LRP1B: variants seen among roughly 807,000 people sequenced by gnomAD.
LRP1B encodes LDL receptor related protein 1B.
LRP1B carries 217 observed loss-of-function variants against 556.6 expected under a neutral mutation model. That is an observed-to-expected ratio of 0.39 (90% CI 0.35 to 0.44). The LOEUF (loss-of-function observed/expected upper bound fraction) is 0.44. Ranked by LOEUF, LRP1B falls within the 20% of genes least tolerant of loss-of-function variation. The probability of loss-of-function intolerance (pLI) is 1.00; values close to 1 mark genes in which losing one functional copy is unlikely to be tolerated. For missense variants in LRP1B, 5,053 were observed against 5,620.8 expected, an observed-to-expected ratio of 0.90 and a Z score of 3.23; for synonymous variants, 2,047 against 1,865.8, an observed-to-expected ratio of 1.10 and a Z score of -2.50.
chr2:141,464,584 GTA>G (rs1236041290), intron 3 of LRP1B, among the ~76,000 whole-genome samples: 6 of 88,406 alleles, frequency 6.8e-5, no homozygotes, highest in Middle Eastern at 5.7e-3. Context: ...GGCTAATTTT[GTA>G]TATATATATA....
chr2:140,677,876 CAA>C (rs56656451), intron 41 of LRP1B, among the ~76,000 whole-genome samples: 32 of 75,236 alleles, frequency 4.3e-4, no homozygotes, highest in African/African-American at 9.7e-4. Flanking sequence ...AACTATGTCT[CAA>C]AAAAAAAAAA....
chr2:140,467,985 G>C (rs1342843157), intron 60 of LRP1B, among the ~76,000 whole-genome samples: 1 of 152,162 alleles, frequency 6.6e-6, no homozygotes, highest in African/African-American at 2.4e-5. Context: ...CAAGGGTGTG[G>C]CCAAGGGATC....
chr2:141,964,211 C>T (rs1169085539), intron 1 of LRP1B, among the ~76,000 whole-genome samples: 1 of 150,476 alleles, frequency 6.6e-6, no homozygotes, highest in Non-Finnish European at 1.5e-5. Context: ...ATCAAGCTAC[C>T]AATGACTTTC....
chr2:141,682,400 C>G (rs1691137813), intron 2 of LRP1B, among the ~76,000 whole-genome samples: 1 of 151,174 alleles, frequency 6.6e-6, no homozygotes, highest in South Asian at 2.1e-4. Flanking sequence ...TATAATTACC[C>G]CATTAATATG....
intron 1 of LRP1B, among the ~76,000 whole-genome samples, chr2:142,059,422 T>C (rs1704812885): frequency 6.6e-6 from 1 of 152,122 alleles, no homozygotes; most frequent in Admixed American, 6.6e-5. Flanking sequence ...GAGTTTATGT[T>C]TAAGTGACCA....
chr2:140,655,091 TAAA>T (rs1317944835), intron 41 of LRP1B, among the ~76,000 whole-genome samples: 1 of 151,512 alleles, frequency 6.6e-6, no homozygotes, highest in East Asian at 1.9e-4. Context: ...CCTATCTCTC[TAAA>T]AGGATCTCCT....
At chr2:141,277,027 T>G (rs935401008) in intron 3 of LRP1B, among the ~76,000 whole-genome samples, 39 of 152,318 alleles carry the variant, frequency 2.6e-4, no homozygotes, top group East Asian at 5.8e-4. Context: ...ATTTTCTTTA[T>G]CTGGTCTACT....
At chr2:141,089,677 G>A (rs1412130051) in intron 7 of LRP1B, among the ~76,000 whole-genome samples, 1 of 152,106 alleles carries the variant, frequency 6.6e-6, no homozygotes, top group East Asian at 1.9e-4. Context: ...ACACACCTCA[G>A]AATTATCTCA....
In LRP1B at chr2:141,193,894, A is replaced by T. The variant is rs1179486374; in HGVS notation, c.851-5311T>A. Among the ~76,000 whole-genome samples, 3 of 151,944 alleles carry T rather than the reference A, an allele frequency of 2.0e-5. No individual in the cohort carries two copies. In the East Asian group the frequency reaches 5.8e-4, roughly 29 times the overall value. On this transcript the variant is annotated intron_variant, in intron 6 of 90. Transcript: ENST00000389484. Reference sequence around the variant, plus strand: ...CTCCTGGGGAATATACCTTTGTTTGACTTATAATTTCAAGCAAATATTGCT... The same window carrying T: ...CTCCTGGGGAATATACCTTTGTTTGTCTTATAATTTCAAGCAAATATTGCT...
chr2:140,580,625 G>T (rs925297538), intron 43 of LRP1B, among the ~76,000 whole-genome samples: 2 of 151,776 alleles, frequency 1.3e-5, no homozygotes, highest in Non-Finnish European at 2.9e-5. Context: ...TAATAGCTCA[G>T]AGAAAGAATG....
At chr2:141,457,873 CAG>C (rs903823491) in intron 3 of LRP1B, among the ~76,000 whole-genome samples, 2 of 151,996 alleles carry the variant, frequency 1.3e-5, no homozygotes, top group African/African-American at 4.8e-5. Flanking sequence ...GGTACAAAGA[CAG>C]AGAAAAGTTG....
chr2:141,222,718 G>A (rs1393788507), intron 6 of LRP1B, among the ~76,000 whole-genome samples: 1 of 152,118 alleles, frequency 6.6e-6, no homozygotes, highest in African/African-American at 2.4e-5. Flanking sequence ...AAGCCAACTT[G>A]CAAGGCTGGT....
chr2:141,304,477 T>C (rs1346830424), intron 3 of LRP1B, among the ~76,000 whole-genome samples: 7 of 2,588 alleles, frequency 2.7e-3, no homozygotes, highest in Middle Eastern at 0.5. Flanking sequence ...TTTCATTCAT[T>C]TTTTTTTTTT....
intron 7 of LRP1B, among the ~76,000 whole-genome samples, chr2:141,101,660 T>C (rs1050308242): frequency 6.6e-6 from 1 of 152,194 alleles, no homozygotes; most frequent in African/African-American, 2.4e-5. Flanking sequence ...GGTAAGTAAA[T>C]GGCAACATGA....
chr2:140,314,411 A>T (rs541297261), intron 83 of LRP1B, among the ~76,000 whole-genome samples: 1 of 152,182 alleles, frequency 6.6e-6, no homozygotes, highest in African/African-American at 2.4e-5. Context: ...ATAATCTCAA[A>T]TATATCCTAA....
Position 140,264,302 on chromosome 2 carries a change from C to T in LRP1B, c.13247+5940G>A, listed in dbSNP as rs1209656223. On this transcript the variant is annotated intron_variant, in intron 86 of 90. Transcript: ENST00000389484. ...GGAGTGCAATGGCGCAGTCTCAGCTCACTGCAACCTCTGCCTCCCGGGTTC... is the reference window on the plus strand; with the variant it reads ...GGAGTGCAATGGCGCAGTCTCAGCTTACTGCAACCTCTGCCTCCCGGGTTC... Among the ~76,000 whole-genome samples, 17 of 152,112 alleles carry T rather than the reference C, an allele frequency of 1.1e-4. 1 individual carries two copies.
chr2:142,046,226 A>C (rs983020622), intron 1 of LRP1B, among the ~76,000 whole-genome samples: 1 of 151,900 alleles, frequency 6.6e-6, no homozygotes, highest in African/African-American at 2.4e-5. Flanking sequence ...AGTTTCTATA[A>C]GACAGTCAAA....
At chr2:141,724,623 G>A (rs1173315560) in intron 2 of LRP1B, among the ~76,000 whole-genome samples, 4 of 151,800 alleles carry the variant, frequency 2.6e-5, no homozygotes, top group African/African-American at 9.7e-5. Flanking sequence ...ATAACATAAG[G>A]CTGATGCTCT....
At chr2:141,310,641 G>A (rs913461801) in intron 3 of LRP1B, among the ~76,000 whole-genome samples, 2 of 151,590 alleles carry the variant, frequency 1.3e-5, no homozygotes, top group African/African-American at 2.4e-5. Context: ...GCACATACAC[G>A]GACACACACA....
Sources: allele counts gnomAD v4.1 joint callset (sites outside exome capture counted in the v4.1 genomes callset), GRCh38; gene constraint gnomAD v4.1.1; transcripts MANE v1.5; gene names NCBI Gene and HGNC (gene_info 2026-07-23, HGNC 2026-07-21).